The following RTTN variants were observed in gnomAD, a reference collection of about 807,000 sequenced individuals.
RTTN encodes rotatin.
RTTN carries 182 observed loss-of-function variants against 269.2 expected under a neutral mutation model. That is an observed-to-expected ratio of 0.68 (90% CI 0.60 to 0.76). RTTN has a LOEUF of 0.76. Among genes scored for constraint, RTTN ranks in the 30% least tolerant of loss-of-function variants. RTTN has a pLI of 0.00. For missense variants in RTTN, 2,545 were observed against 2,608.6 expected, an observed-to-expected ratio of 0.98 and a Z score of 0.53; for synonymous variants, 1,006 against 963.5, an observed-to-expected ratio of 1.04 and a Z score of -0.82.
intron 43 of RTTN, 69 bp from the exon 44 acceptor site, chr18:70,024,917 A>G: frequency 6.5e-7 from 1 of 1,535,168 alleles, no homozygotes; most frequent in South Asian, 1.2e-5. Context: ...AATCAAAACA[A>G]CAACAGAAAG....
At chr18:70,135,919 T>C (rs756021916) in intron 21 of RTTN, among the ~76,000 whole-genome samples, 3 of 152,158 alleles carry the variant, frequency 2.0e-5, no homozygotes, top group African/African-American at 4.8e-5. Context: ...ACTTCTGTAA[T>C]GATCCCAATG....
intron 28 of RTTN, among the ~76,000 whole-genome samples, chr18:70,097,686 C>G (rs763961758): frequency 6.6e-6 from 1 of 152,186 alleles, no homozygotes; most frequent in Non-Finnish European, 1.5e-5. Context: ...TTTATGTATC[C>G]TTTAGCTAAC....
intron 28 of RTTN, among the ~76,000 whole-genome samples, chr18:70,097,267 T>G (rs2059026762): frequency 6.6e-6 from 1 of 152,220 alleles, no homozygotes; most frequent in South Asian, 2.1e-4. Context: ...AAGCTAATCT[T>G]TTATTAGAAA....
Position 70,145,733 on chromosome 18 carries a change from T to A in RTTN, c.2360A>T (p.Glu787Val), listed in dbSNP as rs773497536. 1 of 1,613,438 alleles carries A rather than the reference T, an allele frequency of 6.2e-7. No individual in the cohort carries two copies. ...TAGAGGACGCTTTGTATCAGCCCCTTCTTCACTGGTAAGATGGAATGCTAA... is the reference window on the plus strand; with the variant it reads ...TAGAGGACGCTTTGTATCAGCCCCTACTTCACTGGTAAGATGGAATGCTAA... Reference protein sequence around the residue: ...KLLAFHLTSEEGADTKRPLID... With the variant: ...KLLAFHLTSEVGADTKRPLID... The change falls in exon 18 of 49, where the codon GAA becomes GTA. Residue 787 changes from glutamate (E) to valine (V), a missense_variant. Glu to Val is a moderately radical substitution (Grantham distance 121). Transcript: ENST00000640769.
chr18:70,061,531 G>A, intron 35 of RTTN: 2 of 359,262 alleles, frequency 5.6e-6, no homozygotes, highest in Admixed American at 7.5e-5. Flanking sequence ...CATACCCCTG[G>A]GCACATAAAC....
At position 70,108,488 on chromosome 18, in the gene RTTN, T is replaced by G. The variant is rs553445031; in HGVS notation, c.3903+1010A>C. Among the ~76,000 whole-genome samples, 11 of 152,260 alleles carry G rather than the reference T, an allele frequency of 7.2e-5. No individual in the cohort carries two copies. The South Asian group carries it at 1.9e-3, about 26-fold the overall frequency. ...TTCTTACAATCTCACATTCTCCCATTTTAGTCATAAGAACGGAATGATTTT... is the reference window on the plus strand; with the variant it reads ...TTCTTACAATCTCACATTCTCCCATGTTAGTCATAAGAACGGAATGATTTT... On this transcript the variant is annotated intron_variant, in intron 28 of 48. Transcript: ENST00000640769.
chr18:70,008,774 C>T (rs2145445568), intron 46 of RTTN: 1 of 151,636 alleles, frequency 6.6e-6, no homozygotes, highest in South Asian at 2.1e-4. Flanking sequence ...AAGAAGCAAC[C>T]TATGTTTGAC....
chr18:70,009,250 C>T (rs919293379), intron 46 of RTTN, among the ~76,000 whole-genome samples: 4 of 152,024 alleles, frequency 2.6e-5, no homozygotes, highest in African/African-American at 9.7e-5. Context: ...ATTCTTCTGT[C>T]TCGGCCTCCT....
intron 45 of RTTN, 124 bp from the exon 46 acceptor site, chr18:70,017,798 T>C (rs558994308): frequency 1.4e-6 from 1 of 738,846 alleles, no homozygotes; most frequent in African/African-American, 1.8e-5. Flanking sequence ...TCCTTTCTAA[T>C]AGCTTCTGAA....
chr18:70,135,231 T>C lies in RTTN; in HGVS notation c.2838A>G (p.Ala946=). Residue 946 remains alanine (A), a synonymous_variant, in exon 22 of 49, where the codon GCA becomes GCG. Transcript: ENST00000640769. ...CATCAAATAATAGAAGACAAAATAG[T>C]GCTCCAACTTCAGTCACGACACTAC... The part of the protein sequence containing the change: ...EDCSVVTEVG[A]LFCLLLFDEV... 3 of 1,542,420 alleles carry C rather than the reference T, an allele frequency of 1.9e-6. No individual in the cohort carries two copies. The highest frequency in any genetic ancestry group is 5.0e-5 in the East Asian group (2 of 40,208).
At chr18:70,184,716 T>TGTGTGTGTGTGTGTG (rs1555776913) in intron 10 of RTTN, among the ~76,000 whole-genome samples, 3 of 33,426 alleles carry the variant, frequency 9.0e-5, no homozygotes, top group South Asian at 1.6e-3. Context: ...TTTTTTTTTT[T>TGTGTGTGTGTGTGTG]TGTGTGTGTG....
At chr18:70,121,430 T>G (rs2059734646) in intron 26 of RTTN, 126 bp downstream of exon 26, 1 of 742,116 alleles carries the variant, frequency 1.3e-6, no homozygotes, top group South Asian at 2.2e-5. Context: ...AGCCATTCAT[T>G]ACATGAAGAC....
chr18:70,154,840 AAGT>A (rs2060631642), intron 14 of RTTN, among the ~76,000 whole-genome samples: 1 of 152,288 alleles, frequency 6.6e-6, no homozygotes, highest in African/African-American at 2.4e-5. Context: ...TAAACATGCA[AAGT>A]AGAAGAGTCT....
chr18:70,041,805 C>T (rs2057347945), intron 40 of RTTN, among the ~76,000 whole-genome samples: 1 of 151,918 alleles, frequency 6.6e-6, no homozygotes, highest in Non-Finnish European at 1.5e-5. Flanking sequence ...ATTCTGAGAC[C>T]TCAGCTGTCG....
intron 27 of RTTN, among the ~76,000 whole-genome samples, chr18:70,110,302 T>C (rs2059429654): frequency 6.6e-6 from 1 of 151,672 alleles, no homozygotes; most frequent in African/African-American, 2.4e-5. Flanking sequence ...AGCTCCAGTC[T>C]GCAGCTCCCG....
At chr18:70,196,463 A>G (rs768786139) in intron 7 of RTTN, 38 bp downstream of exon 7, 12 of 1,569,984 alleles carry the variant, frequency 7.6e-6, no homozygotes, top group African/African-American at 1.4e-5. Flanking sequence ...GAATCTACAA[A>G]TAACACCAGT....
intron 46 of RTTN, among the ~76,000 whole-genome samples, chr18:70,012,050 C>CAG (rs2056394185): frequency 1.6e-5 from 1 of 63,714 alleles, no homozygotes; most frequent in African/African-American, 4.9e-5. Flanking sequence ...GTATTGGTTA[C>CAG]AGGGCAGCGT....
intron 26 of RTTN, among the ~76,000 whole-genome samples, chr18:70,115,465 A>G (rs1477652278): frequency 1.3e-5 from 2 of 151,922 alleles, no homozygotes; most frequent in Non-Finnish European, 2.9e-5. Flanking sequence ...AATCAGAAGC[A>G]TTAATAGATA....
At chr18:70,006,254 G>A in intron 47 of RTTN, 127 bp downstream of exon 47, 1 of 636,844 alleles carries the variant, frequency 1.6e-6, no homozygotes. Context: ...AGGGAACATG[G>A]ATCTTTGATT....
Sources: gnomAD v4.1 joint callset for allele counts (sites outside exome capture counted in the v4.1 genomes callset) on GRCh38, gnomAD v4.1.1 for gene constraint, MANE v1.5 for transcripts, NCBI Gene and HGNC (gene_info 2026-07-23, HGNC 2026-07-21) for gene names.